ZNF7: variants seen among roughly 807,000 people sequenced by gnomAD.
The protein encoded by ZNF7 is C2-H2 type zinc finger protein.
A neutral mutation model predicts 12.0 loss-of-function variants in ZNF7; 10 were observed. The observed-to-expected ratio is 0.83, with a 90% CI of 0.51 to 1.42. The LOEUF (loss-of-function observed/expected upper bound fraction) is 1.42, where lower values mean the gene tolerates loss of function less well. ZNF7 is among the 40% of genes most tolerant of loss of function. ZNF7 has a pLI of 0.00. For synonymous variants in ZNF7, 334 were observed against 295.0 expected, an observed-to-expected ratio of 1.13 and a Z score of -1.35; for missense variants, 854 against 837.2, an observed-to-expected ratio of 1.02 and a Z score of -0.25.
rs557346953 is a variant in ZNF7 at position 144,838,034 on chromosome 8, G to T, written c.247+527G>T. 20 of 697,742 alleles carry T rather than the reference G, an allele frequency of 2.9e-5. No homozygotes were observed. The African/African-American group carries it at 3.1e-4, about 11-fold the overall frequency. The allele number at this position is 697,742 out of a possible 1,614,324, so 43.2% of individuals were successfully genotyped here. On this transcript the variant is annotated intron_variant, in intron 4 of 4. Coordinates refer to ENST00000532777, the MANE Select transcript of ZNF7 (RefSeq NM_003416.4). Reference sequence around the variant, plus strand: ...TGTGGAGGCCGGAAATCTGAAACCGGGGGGTCAGCAAGCAGGGCCGTGCCC... The same window carrying T: ...TGTGGAGGCCGGAAATCTGAAACCGTGGGGTCAGCAAGCAGGGCCGTGCCC...
rs748550751 is a variant in ZNF7 at position 144,842,596 on chromosome 8, T to G, written c.1489T>G (p.Tyr497Asp). 6.2e-7 allele frequency: 1 copy of G among 1,614,224 alleles called. No homozygotes were observed. The highest frequency in any genetic ancestry group is 8.5e-7 in the Non-Finnish European group (1 of 1,180,042). ...GCGAATCCACACTGGAGAGAAACCC[T>G]ATGTGTGTAATGACTGTGGAAAAGC... ...HQRIHTGEKPYVCNDCGKAFS... is the reference protein window; with the variant it reads ...HQRIHTGEKPDVCNDCGKAFS... The change falls in exon 5 of 5, where the codon TAT (tyrosine) becomes GAT (aspartate). Residue 497 changes from tyrosine to aspartate, a missense_variant. Physicochemically the swap from Tyr to Asp is radical, Grantham distance 160. Coordinates refer to ENST00000532777, the MANE Select transcript of ZNF7 (RefSeq NM_003416.4).
At position 144,841,655 on chromosome 8, in the gene ZNF7, C is replaced by T. The variant is rs1829925177; in HGVS notation, c.548C>T (p.Pro183Leu). ...ELGSSGLDCQ[P>L]LESQGESAEG... Reference sequence around the variant, plus strand: ...GGAAGCAGCGGCCTGGATTGTCAGCCTCTTGAAAGTCAGGGAGAGAGTGCG... The same window carrying T: ...GGAAGCAGCGGCCTGGATTGTCAGCTTCTTGAAAGTCAGGGAGAGAGTGCG... The change falls in exon 5 of 5, where the codon CCT becomes CTT. Residue 183 changes from proline (P) to leucine (L), a missense_variant. Coordinates refer to ENST00000532777, the MANE Select transcript of ZNF7 (RefSeq NM_003416.4). 1 of 1,614,170 alleles carries T rather than the reference C, an allele frequency of 6.2e-7. No homozygotes were observed. The highest frequency in any genetic ancestry group is 1.1e-5 in the South Asian group (1 of 91,082).
chr8:144,843,929 TAACCC>T (rs1332008527), downstream of ZNF7, among the ~76,000 whole-genome samples: 1 of 152,172 alleles, frequency 6.6e-6, no homozygotes, highest in African/African-American at 2.4e-5. Context: ...TCTTAGAACT[TAACCC>T]AGCCACCCAG....
chr8:144,846,344 T>G (rs1392769775), downstream of ZNF7: 2 of 653,026 alleles, frequency 3.1e-6, no homozygotes, highest in Non-Finnish European at 5.1e-6. Flanking sequence ...GCTTTTTACA[T>G]TTCTGAATGG....
At chr8:144,844,273 A>AC (rs1012082326), downstream of ZNF7, among the ~76,000 whole-genome samples, 160 of 151,158 alleles carry the variant, frequency 1.1e-3, no homozygotes, top group African/African-American at 3.4e-3. Context: ...GCAAGTACCA[A>AC]CCCCCCCATC....
intron 4 of ZNF7, chr8:144,837,885 T>C: frequency 3.5e-6 from 2 of 574,722 alleles, no homozygotes; most frequent in Non-Finnish European, 6.2e-6. Context: ...GGTAAGCATA[T>C]TCCCTGAGGC....
At position 144,837,463 on chromosome 8, in the gene ZNF7, T is replaced by TG; in HGVS notation, c.204dup (p.Gln69AlafsTer19). On this transcript the variant is annotated frameshift_variant, in exon 4 of 5. Coordinates refer to ENST00000532777, the MANE Select transcript of ZNF7 (RefSeq NM_003416.4). LOFTEE classifies it low-confidence loss of function (END_TRUNC). ...GGAGAAGAGCCATGGGTCCTCGACC[T>TG]GCAGGGAGCAGAGGGGACAGAGGCA... is the stretch of plus-strand genomic sequence containing the variant. 6.2e-7 allele frequency: 1 copy of TG among 1,613,126 alleles called. No individual in the cohort carries two copies. The highest frequency in any genetic ancestry group is 1.3e-5 in the African/African-American group (1 of 75,036).
In ZNF7 at chr8:144,829,988, C is replaced by T. The variant is rs1828242576; in HGVS notation, c.130+384C>T. On this transcript the variant is annotated intron_variant, in intron 3 of 4. Coordinates refer to ENST00000532777, the MANE Select transcript of ZNF7 (RefSeq NM_003416.4). ...CACACGGCTGCTTTGCAGATGCCGT[C>T]ATCCCCTTGCCCCTCCTGTCCTGCC... The T allele has an allele frequency of 1.8e-5, 3 of 164,330 alleles. No individual in the cohort carries two copies. The South Asian group carries it at 5.2e-4, about 29-fold the overall frequency. 10.2% of individuals were successfully genotyped at this position (164,330 alleles called of 1,614,324 possible).
At chr8:144,845,186 C>CA (rs1281449016), downstream of ZNF7, among the ~76,000 whole-genome samples, 7 of 152,196 alleles carry the variant, frequency 4.6e-5, no homozygotes, top group African/African-American at 1.4e-4. Context: ...TGTAGAAGCT[C>CA]ACGAGAAATC....
chr8:144,839,942 A>G (rs1554642010), intron 4 of ZNF7, among the ~76,000 whole-genome samples: 1 of 151,894 alleles, frequency 6.6e-6, no homozygotes, highest in South Asian at 2.1e-4. Context: ...GCTGCTCTTT[A>G]TTTTTTTATT....
chr8:144,827,625 G>A lies in ZNF7; in HGVS notation c.-46+16G>A. ...CTCAGGGAGGGTGAGTCGGCGCGGCGGGCGCGGACTCGGGTTGCCCTCGGT... is the reference window on the plus strand; with the variant it reads ...CTCAGGGAGGGTGAGTCGGCGCGGCAGGCGCGGACTCGGGTTGCCCTCGGT... On this transcript the variant is annotated intron_variant, in intron 1 of 4. Transcript: ENST00000532777. 6.1e-6 allele frequency: 6 copies of A among 985,524 alleles called. No homozygotes were observed. Among genetic ancestry groups the A allele is most frequent in the Non-Finnish European group, 7.2e-6 (6 of 829,994 alleles). 61.0% of individuals were successfully genotyped at this position (985,524 alleles called of 1,614,324 possible).
intron 2 of ZNF7, 121 bp from the exon 3 acceptor site, chr8:144,829,357 G>C (rs763539328): frequency 6.4e-7 from 1 of 1,557,662 alleles, no homozygotes; most frequent in South Asian, 1.2e-5. Context: ...TAGAGGCAGA[G>C]GAGTCCTGGT....
In ZNF7 at chr8:144,843,438, T is replaced by A. The variant is rs551460076; in HGVS notation, c.*270T>A. On this transcript the variant is annotated 3_prime_UTR_variant, in exon 5 of 5. Coordinates refer to ENST00000532777, the MANE Select transcript of ZNF7 (RefSeq NM_003416.4). ...CCCATCTCTACTAAAAATACAAAAA[T>A]TTAGCTGGGCGTGGTGGCAGGCACC... The A allele has an allele frequency of 1.2e-3, 321 of 275,530 alleles. No individual in the cohort carries two copies. Among genetic ancestry groups the A allele is most frequent in the Middle Eastern group, 3.3e-3 (3 of 912 alleles). The allele number at this position is 275,530 out of a possible 1,614,324, so 17.1% of individuals were successfully genotyped here.
At chr8:144,840,168 G>C (rs771555664) in intron 4 of ZNF7, among the ~76,000 whole-genome samples, 2 of 152,244 alleles carry the variant, frequency 1.3e-5, no homozygotes, top group Non-Finnish European at 2.9e-5. Context: ...TGTTGAAAGA[G>C]CAGGCATGCT....
intron 4 of ZNF7, among the ~76,000 whole-genome samples, chr8:144,839,307 G>C (rs560409390): frequency 6.6e-6 from 1 of 152,226 alleles, no homozygotes; most frequent in Admixed American, 6.5e-5. Context: ...CCTTGCAGCC[G>C]CCCAGGAAGT....
chr8:144,832,841 A>T (rs1366704657), intron 3 of ZNF7, among the ~76,000 whole-genome samples: 1 of 152,150 alleles, frequency 6.6e-6, no homozygotes, highest in Non-Finnish European at 1.5e-5. Flanking sequence ...TATTGGGGTT[A>T]CGTAAAAATC....
intron 2 of ZNF7, 118 bp downstream of exon 2, chr8:144,829,208 C>T: frequency 6.4e-7 from 1 of 1,574,286 alleles, no homozygotes; most frequent in Non-Finnish European, 8.6e-7. Flanking sequence ...AGGAAGGCCC[C>T]CTTGCCCCCA....
Position 144,829,043 on chromosome 8 carries a change from G to T in ZNF7, c.-45G>T, listed in dbSNP as rs1209431548. ...CTAATCCTTTCATAATTGCCAACAG[G>T]TCTCTCGGCCAGAACACGTGGATGC... On this transcript the variant is annotated splice_region_variant and 5_prime_UTR_variant, in exon 2 of 5. Transcript: ENST00000532777. 1.2e-6 allele frequency: 2 copies of T among 1,613,744 alleles called. No homozygotes were observed. The highest frequency in any genetic ancestry group is 1.7e-6 in the Non-Finnish European group (2 of 1,179,840).
intron 4 of ZNF7, 50 bp downstream of exon 4, chr8:144,837,557 C>A: frequency 7.1e-7 from 1 of 1,406,094 alleles, no homozygotes; most frequent in Non-Finnish European, 9.9e-7. Flanking sequence ...GGAGAAACTG[C>A]AGGAGGGGCC....
Sources: gnomAD v4.1 joint callset for allele counts (sites outside exome capture counted in the v4.1 genomes callset) on GRCh38, gnomAD v4.1.1 for gene constraint, MANE v1.5 for transcripts, NCBI Gene and HGNC (gene_info 2026-07-23, HGNC 2026-07-21) for gene names.